The following ADAMTSL1 variants were observed in gnomAD, a reference collection of about 807,000 sequenced individuals.
ADAMTSL1 encodes ADAMTS-like protein 1.
Under a neutral mutation model 201.8 loss-of-function variants are expected in ADAMTSL1, and 126 were observed. That is an observed-to-expected ratio of 0.62 (90% confidence interval 0.54 to 0.72). The LOEUF is 0.72. Ranked by LOEUF, ADAMTSL1 falls within the 30% of genes least tolerant of loss-of-function variation. The pLI, the probability that ADAMTSL1 is intolerant of heterozygous loss-of-function variation, is 0.00. For synonymous variants in ADAMTSL1, 1,121 were observed against 903.4 expected (o/e 1.24, Z -4.32); for missense variants, 2,679 against 2,277.8 (o/e 1.18, Z -3.59).
chr9:17,917,808 A>G (rs935069432), intron 1 of ADAMTSL1, among the ~76,000 whole-genome samples: 1 of 151,908 alleles, frequency 6.6e-6, no homozygotes, highest in Non-Finnish European at 1.5e-5. Flanking sequence ...CCTAAATTTT[A>G]TTTGGTGTGA....
At chr9:18,452,609 A>C (rs991497597) in intron 2 of ADAMTSL1, among the ~76,000 whole-genome samples, 42 of 152,236 alleles carry the variant, frequency 2.8e-4, no homozygotes, top group African/African-American at 9.2e-4. Context: ...AACTGAAGTT[A>C]TCTAACTCCA....
At chr9:18,583,127 G>A (rs940008075) in intron 4 of ADAMTSL1, among the ~76,000 whole-genome samples, 1 of 152,178 alleles carries the variant, frequency 6.6e-6, no homozygotes, top group Non-Finnish European at 1.5e-5. Flanking sequence ...GGAGGGTGCT[G>A]CTGAAAAGAT....
At chr9:18,671,470 G>A (rs1829806527) in intron 9 of ADAMTSL1, among the ~76,000 whole-genome samples, 1 of 152,176 alleles carries the variant, frequency 6.6e-6, no homozygotes. Flanking sequence ...TGCTGGTGTC[G>A]AGATGACAAC....
intron 15 of ADAMTSL1, among the ~76,000 whole-genome samples, chr9:18,748,282 T>C (rs2436780): frequency 0.79 from 119,466 of 152,162 alleles, 46,998 homozygotes; most frequent in Non-Finnish European, 0.81. Context: ...AGCAGTCATG[T>C]TTACCACCCT....
intron 7 of ADAMTSL1, among the ~76,000 whole-genome samples, chr9:18,654,009 C>T (rs757426945): frequency 3.9e-5 from 6 of 152,208 alleles, no homozygotes; most frequent in African/African-American, 4.8e-5. Flanking sequence ...GGGTGGATCA[C>T]CTGAGATCAG....
rs1424489634 is a variant in ADAMTSL1 at position 18,622,304 on chromosome 9, A to G, written c.536A>G (p.Asn179Ser). 6.2e-7 allele frequency: 1 copy of G among 1,614,040 alleles called. No individual in the cohort carries two copies. Among genetic ancestry groups the G allele is most frequent in the Non-Finnish European group, 8.5e-7 (1 of 1,179,960 alleles). ...AAGGAAGATAACTGTGGGGTCTGCA[A>G]CGGAGATGGGTCCACCTGCCGGCTG... ...TVKEDNCGVC[N>S]GDGSTCRLVR... Residue 179 changes from asparagine to serine, a missense_variant, in exon 5 of 29, where the codon AAC becomes AGC. Physicochemically the swap from Asn to Ser is conservative, Grantham distance 46 (BLOSUM62 1). Transcript: ENST00000380548.
chr9:18,414,740 A>G (rs1241283092), intron 2 of ADAMTSL1, among the ~76,000 whole-genome samples: 3 of 152,216 alleles, frequency 2.0e-5, no homozygotes, highest in Non-Finnish European at 2.9e-5. Flanking sequence ...ACAAGGAGAT[A>G]ATTATACAAA....
chr9:17,969,268 A>G (rs960390536), intron 1 of ADAMTSL1, among the ~76,000 whole-genome samples: 1 of 152,066 alleles, frequency 6.6e-6, no homozygotes, highest in Non-Finnish European at 1.5e-5. Flanking sequence ...TAGGAAGAAG[A>G]TGTGATATTA....
At chr9:18,813,518 T>C (rs1823643647) in intron 20 of ADAMTSL1, among the ~76,000 whole-genome samples, 1 of 152,220 alleles carries the variant, frequency 6.6e-6, no homozygotes, top group South Asian at 2.1e-4. Flanking sequence ...GTTTTATACT[T>C]TTCAGTGTAG....
chr9:18,168,183 A>T (rs1403050663), intron 2 of ADAMTSL1, among the ~76,000 whole-genome samples: 4 of 151,898 alleles, frequency 2.6e-5, no homozygotes, highest in Non-Finnish European at 4.4e-5. Context: ...TTACATATGT[A>T]TGCATGTGCC....
At chr9:18,524,366 T>C (rs1479757372) in intron 2 of ADAMTSL1, among the ~76,000 whole-genome samples, 1 of 152,222 alleles carries the variant, frequency 6.6e-6, no homozygotes, top group Non-Finnish European at 1.5e-5. Context: ...TTTCTAAATA[T>C]ACAATCATGT....
At chr9:18,657,929 C>G (rs1401117336) in intron 8 of ADAMTSL1, among the ~76,000 whole-genome samples, 179 bp downstream of exon 8, 1 of 151,766 alleles carries the variant, frequency 6.6e-6, no homozygotes, top group Non-Finnish European at 1.5e-5. Flanking sequence ...CGCCAAGATG[C>G]CAAAGACATT....
intron 9 of ADAMTSL1, among the ~76,000 whole-genome samples, chr9:18,672,498 ATG>A (rs1829884376): frequency 1.3e-5 from 2 of 152,194 alleles, no homozygotes; most frequent in South Asian, 4.1e-4. Flanking sequence ...AGTTTTTTAT[ATG>A]TGTGTGCATA....
At chr9:18,118,144 T>G (rs1294211240) in intron 1 of ADAMTSL1, among the ~76,000 whole-genome samples, 1 of 152,148 alleles carries the variant, frequency 6.6e-6, no homozygotes. Flanking sequence ...ATCTTTCTAT[T>G]TGAAAGTCAA....
chr9:18,743,699 A>G (rs951616219), intron 15 of ADAMTSL1, among the ~76,000 whole-genome samples: 1 of 152,170 alleles, frequency 6.6e-6, no homozygotes, highest in African/African-American at 2.4e-5. Flanking sequence ...TGTTTGATAG[A>G]CAGCCCCCGA....
At chr9:18,722,222 A>T (rs140073957) in intron 15 of ADAMTSL1, among the ~76,000 whole-genome samples, 18 of 152,308 alleles carry the variant, frequency 1.2e-4, no homozygotes, top group African/African-American at 3.6e-4. Flanking sequence ...ATTAGCCAAC[A>T]TTGAGTCACA....
chr9:18,429,132 T>C (rs1563955316), intron 2 of ADAMTSL1, among the ~76,000 whole-genome samples: 1 of 152,214 alleles, frequency 6.6e-6, no homozygotes, highest in Non-Finnish European at 1.5e-5. Context: ...TAAATATATA[T>C]ACATACACGT....
intron 1 of ADAMTSL1, among the ~76,000 whole-genome samples, chr9:18,482,931 A>C (rs930375268): frequency 6.6e-6 from 1 of 152,192 alleles, no homozygotes; most frequent in African/African-American, 2.4e-5. Context: ...GATATACTAC[A>C]CACTTTTAGT....
At chr9:18,185,859 G>GA (rs11400679) in intron 2 of ADAMTSL1, among the ~76,000 whole-genome samples, 147,568 of 152,140 alleles carry the variant, frequency 0.97, 71,747 homozygotes, top group East Asian at 1. Context: ...ATACAATTGG[G>GA]AAAAAAGTTT....
Sources: gnomAD v4.1 joint callset for allele counts (sites outside exome capture counted in the v4.1 genomes callset) on GRCh38, gnomAD v4.1.1 for gene constraint, MANE v1.5 for transcripts, NCBI Gene and HGNC (gene_info 2026-07-23, HGNC 2026-07-21) for gene names.